ADGRL3: variants seen among roughly 807,000 people sequenced by gnomAD.
ADGRL3 encodes calcium-independent alpha-latrotoxin receptor 3.
In ADGRL3, 62 loss-of-function variants were observed where a neutral mutation model predicts 153.5. The ratio of observed to expected loss-of-function variants is 0.40; its 90% CI spans 0.33 to 0.50. The LOEUF (loss-of-function observed/expected upper bound fraction) is 0.50. ADGRL3 is among the 20% of genes least tolerant of loss of function. The pLI, the probability that ADGRL3 is intolerant of heterozygous loss-of-function variation, is 0.47. For synonymous variants in ADGRL3, 710 were observed against 672.5 expected (o/e 1.06, Z -0.86); for missense variants, 1,641 against 1,859.4 (o/e 0.88, Z 2.16).
intron 15 of ADGRL3, among the ~76,000 whole-genome samples, chr4:61,938,257 A>G (rs17239205): frequency 0.046 from 7,014 of 152,284 alleles, 213 homozygotes; most frequent in Non-Finnish European, 0.068. Flanking sequence ...AACAAGAAAA[A>G]TGCATGGATG....
chr4:61,561,933 C>T (rs1409923133), intron 4 of ADGRL3, among the ~76,000 whole-genome samples: 1 of 151,998 alleles, frequency 6.6e-6, no homozygotes, highest in East Asian at 1.9e-4. Flanking sequence ...CACCACCATG[C>T]TCAGCTAAAA....
chr4:61,443,454 C>A (rs2097548238), intron 2 of ADGRL3, among the ~76,000 whole-genome samples: 1 of 151,964 alleles, frequency 6.6e-6, no homozygotes, highest in Admixed American at 6.6e-5. Flanking sequence ...TGAGTAATAT[C>A]ATTGTGTGCT....
At chr4:61,706,483 T>C (rs2095860665) in intron 6 of ADGRL3, among the ~76,000 whole-genome samples, 1 of 152,038 alleles carries the variant, frequency 6.6e-6, no homozygotes, top group Non-Finnish European at 1.5e-5. Flanking sequence ...TTAGTTTAGC[T>C]ACCTTCATCA....
chr4:61,704,361 A>C (rs1241500706), intron 6 of ADGRL3, among the ~76,000 whole-genome samples: 4 of 152,234 alleles, frequency 2.6e-5, no homozygotes, highest in South Asian at 2.1e-4. Flanking sequence ...AACCTAGTAC[A>C]TATAAAGGTA....
intron 9 of ADGRL3, among the ~76,000 whole-genome samples, chr4:61,867,515 C>CATATATATAT (rs3065826): frequency 0.014 from 1,117 of 81,126 alleles, 76 homozygotes; most frequent in African/African-American, 0.028. Context: ...AATATATATG[C>CATATATATAT]ATATATATAT....
rs191173601 is a variant in ADGRL3, at chr4:61,452,806, C to G, written c.-173-44315C>G. Among the ~76,000 whole-genome samples the G allele has an allele frequency of 2.5e-3, 384 of 152,010 alleles. 1 individual carries two copies. Among genetic ancestry groups the G allele is most frequent in the Middle Eastern group, 0.01 (3 of 292 alleles). On this transcript the variant is annotated intron_variant, in intron 2 of 26. Coordinates refer to ENST00000683033, the MANE Select transcript of ADGRL3 (RefSeq NM_001387552.1). Reference sequence around the variant, plus strand: ...TAACAGAATAGCCAAGTGAGATGAGCCTTAATTTACAGAATGCCTGAAACA... The same window carrying G: ...TAACAGAATAGCCAAGTGAGATGAGGCTTAATTTACAGAATGCCTGAAACA...
At chr4:61,564,440 G>T (rs564747841) in intron 4 of ADGRL3, among the ~76,000 whole-genome samples, 1 of 152,128 alleles carries the variant, frequency 6.6e-6, no homozygotes, top group East Asian at 1.9e-4. Context: ...ATGCCTGGCT[G>T]ATTTCTGTAT....
chr4:61,358,613 A>G (rs1295825493), intron 1 of ADGRL3, among the ~76,000 whole-genome samples: 2 of 151,052 alleles, frequency 1.3e-5, no homozygotes, highest in Non-Finnish European at 3.0e-5. Flanking sequence ...AAAAAAAAAA[A>G]AAAAGAAAGC....
rs549391747 is a variant in ADGRL3, at chr4:61,708,958, C to T, written c.584-21664C>T. Reference sequence around the variant, plus strand: ...CCCAGTAGCTGGGACTCCAGGCGTGCACCACCATGCCCGGCTGATTTCTGT... The same window carrying T: ...CCCAGTAGCTGGGACTCCAGGCGTGTACCACCATGCCCGGCTGATTTCTGT... On this transcript the variant is annotated intron_variant, in intron 6 of 26. Transcript: ENST00000683033. Among the ~76,000 whole-genome samples the T allele has an allele frequency of 1.2e-4, 18 of 152,070 alleles. No homozygotes were observed. In the South Asian group the frequency reaches 3.5e-3, roughly 30 times the overall value.
At chr4:61,872,821 A>G (rs770491135) in intron 9 of ADGRL3, among the ~76,000 whole-genome samples, 8 of 152,190 alleles carry the variant, frequency 5.3e-5, no homozygotes, top group Non-Finnish European at 1.2e-4. Context: ...GAAAAGTAAC[A>G]ATTTTTTATT....
At chr4:61,874,306 G>T (rs79148437) in intron 9 of ADGRL3, among the ~76,000 whole-genome samples, 6,207 of 152,162 alleles carry the variant, frequency 0.041, 362 homozygotes, top group East Asian at 0.25. Context: ...TCAGCTCCTT[G>T]TCCCATGGCT....
chr4:61,232,751 C>T (rs910084284), intron 1 of ADGRL3, among the ~76,000 whole-genome samples: 60 of 152,110 alleles, frequency 3.9e-4, no homozygotes, highest in Admixed American at 2.0e-3. Context: ...TAGAACAGTG[C>T]CTGGAACATA....
intron 2 of ADGRL3, among the ~76,000 whole-genome samples, chr4:61,465,974 T>C (rs335338): frequency 0.81 from 123,209 of 151,326 alleles, 53,777 homozygotes; most frequent in Non-Finnish European, 0.96. Context: ...TACAAAACAT[T>C]AGCTAGACGT....
chr4:61,714,025 T>A (rs948381614), intron 6 of ADGRL3, among the ~76,000 whole-genome samples: 1 of 152,166 alleles, frequency 6.6e-6, no homozygotes, highest in Non-Finnish European at 1.5e-5. Context: ...TTATCCCCTC[T>A]TTTATGCCTG....
chr4:61,852,039 A>C (rs1561359644), intron 9 of ADGRL3, among the ~76,000 whole-genome samples: 1 of 152,188 alleles, frequency 6.6e-6, no homozygotes, highest in Non-Finnish European at 1.5e-5. Context: ...ATCAAAATTT[A>C]GATCTCAAAG....
intron 1 of ADGRL3, among the ~76,000 whole-genome samples, chr4:61,277,207 C>T (rs2093504562): frequency 6.6e-6 from 1 of 152,044 alleles, no homozygotes; most frequent in African/African-American, 2.4e-5. Flanking sequence ...ACCAATAAAT[C>T]ATTTATTCTC....
intron 2 of ADGRL3, among the ~76,000 whole-genome samples, chr4:61,490,592 A>C (rs2152778069): frequency 6.6e-6 from 1 of 152,274 alleles, no homozygotes; most frequent in African/African-American, 2.4e-5. Flanking sequence ...TTAAGAAAGT[A>C]TTCATGATTA....
chr4:61,877,109 C>T (rs574397628), intron 9 of ADGRL3, among the ~76,000 whole-genome samples: 3 of 152,120 alleles, frequency 2.0e-5, no homozygotes, highest in East Asian at 1.9e-4. Context: ...TTGATGAAAT[C>T]GATGGGAGTT....
intron 1 of ADGRL3, among the ~76,000 whole-genome samples, chr4:61,207,805 A>G (rs1432633383): frequency 2.0e-5 from 3 of 152,134 alleles, no homozygotes; most frequent in African/African-American, 7.2e-5. Context: ...TAGGTCATTA[A>G]TTTTTAAGAG....
Sources: allele counts gnomAD v4.1 joint callset (sites outside exome capture counted in the v4.1 genomes callset), GRCh38; gene constraint gnomAD v4.1.1; transcripts MANE v1.5; gene names NCBI Gene and HGNC (gene_info 2026-07-23, HGNC 2026-07-21).